The following ATRN variants were observed in gnomAD, a reference collection of about 807,000 sequenced individuals.
ATRN encodes attractin, also known as attractin-2.
ATRN carries 54 observed loss-of-function variants against 178.7 expected under a neutral mutation model. The observed-to-expected ratio is 0.30, with a 90% CI of 0.24 to 0.38. The LOEUF is 0.38. Among genes scored for constraint, ATRN ranks in the 10% least tolerant of loss-of-function variants. The probability of loss-of-function intolerance (pLI) is 1.00; values close to 1 mark genes in which losing one functional copy is unlikely to be tolerated. For synonymous variants in ATRN, 636 were observed against 663.0 expected, an observed-to-expected ratio of 0.96 and a Z score of 0.63; for missense variants, 1,443 against 1,815.1, an observed-to-expected ratio of 0.79 and a Z score of 3.73.
intron 1 of ATRN, among the ~76,000 whole-genome samples, chr20:3,476,870 A>G (rs566328280): frequency 1.3e-5 from 2 of 152,382 alleles, no homozygotes; most frequent in South Asian, 4.1e-4. Context: ...CGAAAGAAAG[A>G]AAGAAAATTC....
At chr20:3,637,089 T>C (rs1220209538) in intron 26 of ATRN, among the ~76,000 whole-genome samples, 1 of 152,210 alleles carries the variant, frequency 6.6e-6, no homozygotes, top group East Asian at 1.9e-4. Flanking sequence ...GGAAAAAGAT[T>C]AAAATATATA....
intron 22 of ATRN, among the ~76,000 whole-genome samples, chr20:3,600,394 A>G (rs904210837): frequency 1.3e-5 from 2 of 152,208 alleles, no homozygotes; most frequent in Admixed American, 6.5e-5. Flanking sequence ...TCAAATCATG[A>G]ATATAATAAA....
chr20:3,509,696 G>A (rs2085098910), intron 1 of ATRN, among the ~76,000 whole-genome samples: 1 of 152,018 alleles, frequency 6.6e-6, no homozygotes, highest in Non-Finnish European at 1.5e-5. Flanking sequence ...TAGAGGTGGG[G>A]TTTTGCCACG....
intron 6 of ATRN, among the ~76,000 whole-genome samples, chr20:3,554,305 T>TTATTTTTA (rs1555815682): frequency 6.5e-5 from 9 of 139,236 alleles, no homozygotes; most frequent in South Asian, 4.8e-4. Context: ...GATTACAGAT[T>TTATTTTTA]TTTATTTATT....
chr20:3,578,354 C>T (rs1206404276), intron 14 of ATRN, among the ~76,000 whole-genome samples: 1 of 152,144 alleles, frequency 6.6e-6, no homozygotes, highest in Non-Finnish European at 1.5e-5. Flanking sequence ...GATAAGTGAC[C>T]TCAGAATATG....
intron 6 of ATRN, among the ~76,000 whole-genome samples, chr20:3,558,443 TA>T (rs1325557759): frequency 6.6e-6 from 1 of 152,122 alleles, no homozygotes; most frequent in African/African-American, 2.4e-5. Flanking sequence ...TTATATATGA[TA>T]ATGTTTTTCA....
Position 3,575,876 on chromosome 20 carries a change from A to G in ATRN, c.2142A>G (p.Thr714=), listed in dbSNP as rs755870031. The stretch of plus-strand genomic sequence containing the variant: ...AGCACACAGATTGTTACAGCTGCAC[A>G]GCCAACACCAATGACTGCCACTGGT... ...CDQHTDCYSC[T]ANTNDCHWCN... The change falls in exon 13 of 29, where the codon ACA becomes ACG. Residue 714 remains threonine, a synonymous_variant. Coordinates refer to ENST00000262919, the MANE Select transcript of ATRN (RefSeq NM_139321.3). 2.5e-6 allele frequency: 4 copies of G among 1,614,004 alleles called. No homozygotes were observed. The highest frequency in any genetic ancestry group is 1.3e-5 in the African/African-American group (1 of 74,924).
chr20:3,572,089 A>G (rs1243209158), intron 11 of ATRN, among the ~76,000 whole-genome samples: 1 of 152,172 alleles, frequency 6.6e-6, no homozygotes, highest in Non-Finnish European at 1.5e-5. Context: ...GTAAGATGCC[A>G]CTTTTACTGT....
intron 4 of ATRN, among the ~76,000 whole-genome samples, chr20:3,546,494 C>T (rs1275628725): frequency 1.3e-5 from 2 of 149,106 alleles, no homozygotes; most frequent in South Asian, 2.1e-4. Flanking sequence ...TGGGTTCAAG[C>T]AATTCTCCTG....
intron 1 of ATRN, among the ~76,000 whole-genome samples, chr20:3,485,251 G>A (rs1440136200): frequency 6.6e-6 from 1 of 152,116 alleles, no homozygotes; most frequent in Non-Finnish European, 1.5e-5. Flanking sequence ...TGTTCCCCAT[G>A]TTGATAGTCA....
intron 24 of ATRN, among the ~76,000 whole-genome samples, chr20:3,623,307 T>G (rs1229096892): frequency 1.3e-5 from 2 of 152,260 alleles, no homozygotes; most frequent in African/African-American, 4.8e-5. Flanking sequence ...TTCTGTTTAT[T>G]GTATGAAATT....
intron 24 of ATRN, among the ~76,000 whole-genome samples, chr20:3,608,522 ATG>A (rs2086710906): frequency 6.6e-6 from 1 of 152,132 alleles, no homozygotes; most frequent in African/African-American, 2.4e-5. Flanking sequence ...GGCCGTGAAT[ATG>A]TGGATTTATT....
chr20:3,592,440 C>A, intron 19 of ATRN: 1 of 984,006 alleles, frequency 1.0e-6, no homozygotes. Context: ...CCTGTGTTTC[C>A]CCATTTATGT....
chr20:3,629,230 T>A, intron 25 of ATRN: 1 of 985,414 alleles, frequency 1.0e-6, no homozygotes, highest in Non-Finnish European at 1.2e-6. Flanking sequence ...GAGAAGACCT[T>A]TAAAGATCAT....
Position 3,565,313 on chromosome 20 carries a change from T to C in ATRN, c.1787-35T>C, listed in dbSNP as rs755663450. 5 of 1,524,452 alleles carry C rather than the reference T, an allele frequency of 3.3e-6. No homozygotes were observed. In the East Asian group the frequency reaches 1.1e-4, roughly 34 times the overall value. The allele number at this position is 1,524,452 out of a possible 1,614,324, so 94.4% of individuals were successfully genotyped here. Reference sequence around the variant, plus strand: ...GTCAGGTCCTGTTGATTAGAAATGGTAGTCCGTTTAAAAATATATTTTTCT... The same window carrying C: ...GTCAGGTCCTGTTGATTAGAAATGGCAGTCCGTTTAAAAATATATTTTTCT... On this transcript the variant is annotated intron_variant, in intron 10 of 28. Transcript: ENST00000262919.
chr20:3,622,371 A>G (rs1010708388), intron 24 of ATRN, among the ~76,000 whole-genome samples: 2 of 152,254 alleles, frequency 1.3e-5, no homozygotes, highest in East Asian at 1.9e-4. Context: ...CAGTTCTCCA[A>G]CAGCGCTTCC....
rs746345754 is a variant in ATRN at position 3,575,803 on chromosome 20, C to G, written c.2093-24C>G. ...TTGCTCAATTGAAGTTGTCCCAGTT[C>G]ATGAGATTTTGTTTTCTTTGCAGCT... On this transcript the variant is annotated intron_variant, in intron 12 of 28. Transcript: ENST00000262919. 3.1e-6 allele frequency: 5 copies of G among 1,591,008 alleles called. No homozygotes were observed. In the African/African-American group the frequency reaches 6.7e-5, roughly 21 times the overall value.
At chr20:3,550,642 T>C (rs2085774498) in intron 6 of ATRN, among the ~76,000 whole-genome samples, 1 of 152,206 alleles carries the variant, frequency 6.6e-6, no homozygotes, top group South Asian at 2.1e-4. Context: ...AGTCACATCT[T>C]ATTACAGTTT....
At chr20:3,584,128 A>C (rs1314872546) in intron 17 of ATRN, 45 bp downstream of exon 17, 2 of 1,570,170 alleles carry the variant, frequency 1.3e-6, no homozygotes, top group Non-Finnish European at 1.7e-6. Flanking sequence ...TGCCCTCTGT[A>C]TAGGCAACAA....
Sources: gnomAD v4.1 joint callset for allele counts (sites outside exome capture counted in the v4.1 genomes callset) on GRCh38, gnomAD v4.1.1 for gene constraint, MANE v1.5 for transcripts, NCBI Gene and HGNC (gene_info 2026-07-23, HGNC 2026-07-21) for gene names.